The following PPP2R2B variants were observed in gnomAD, a reference collection of about 807,000 sequenced individuals.
PPP2R2B encodes protein phosphatase 2 regulatory subunit Bbeta, also known as serine/threonine-protein phosphatase 2A 55 kDa regulatory subunit B beta isoform.
A neutral mutation model predicts 46.0 loss-of-function variants in PPP2R2B; 5 were observed. The ratio of observed to expected loss-of-function variants is 0.11; its 90% confidence interval spans 0.06 to 0.23. PPP2R2B has a LOEUF of 0.23. PPP2R2B is among the 10% of genes least tolerant of loss of function. The pLI is 1.00. For synonymous variants in PPP2R2B, 215 were observed against 206.7 expected, an observed-to-expected ratio of 1.04 and a Z score of -0.34; for missense variants, 367 against 575.0, an observed-to-expected ratio of 0.64 and a Z score of 3.70.
At chr5:146,680,354 G>A (rs1244422470) in intron 5 of PPP2R2B, among the ~76,000 whole-genome samples, 1 of 149,368 alleles carries the variant, frequency 6.7e-6, no homozygotes, top group Non-Finnish European at 1.5e-5. Context: ...ATGAGATCAC[G>A]TGGACACAGG....
intron 5 of PPP2R2B, among the ~76,000 whole-genome samples, chr5:146,663,454 T>C (rs560388072): frequency 1.4e-5 from 2 of 145,460 alleles, no homozygotes; most frequent in East Asian, 2.0e-4. Flanking sequence ...TTTAATGAAA[T>C]CCATCCTATA....
intron 2 of PPP2R2B, among the ~76,000 whole-genome samples, chr5:146,834,669 T>A (rs558925152): frequency 6.6e-6 from 1 of 152,272 alleles, no homozygotes; most frequent in Non-Finnish European, 1.5e-5. Context: ...GTTCTGGGAG[T>A]ACACATGCAG....
At chr5:146,659,167 G>A (rs555001574) in intron 5 of PPP2R2B, among the ~76,000 whole-genome samples, 4 of 152,272 alleles carry the variant, frequency 2.6e-5, no homozygotes, top group Non-Finnish European at 5.9e-5. Flanking sequence ...GGGTATTGGT[G>A]AGTATCCAGT....
chr5:147,009,516 A>G (rs1754612607), intron 1 of PPP2R2B, among the ~76,000 whole-genome samples: 1 of 152,126 alleles, frequency 6.6e-6, no homozygotes, highest in African/African-American at 2.4e-5. Flanking sequence ...TACAGTTTTA[A>G]AAATAATAAG....
intron 5 of PPP2R2B, among the ~76,000 whole-genome samples, chr5:146,667,612 A>G (rs2151116524): frequency 6.6e-6 from 1 of 152,174 alleles, no homozygotes; most frequent in South Asian, 2.1e-4. Flanking sequence ...AGTACAGAAA[A>G]ATATTACAGA....
chr5:146,823,398 CA>C (rs1376222586), intron 2 of PPP2R2B, among the ~76,000 whole-genome samples: 1 of 151,910 alleles, frequency 6.6e-6, no homozygotes, highest in Non-Finnish European at 1.5e-5. Flanking sequence ...GGGGTTTCAC[CA>C]TGTTAGCCAG....
At position 146,924,483 on chromosome 5, in the gene PPP2R2B, C is replaced by G. The variant is rs548279947; in HGVS notation, c.79+131182G>C. Among the ~76,000 whole-genome samples, 4 of 152,102 alleles carry G rather than the reference C, an allele frequency of 2.6e-5. No individual in the cohort carries two copies. In the South Asian group the frequency reaches 8.3e-4, roughly 32 times the overall value. On this transcript the variant is annotated intron_variant, in intron 1 of 8. Transcript: ENST00000336640. ...TCCCAAGTACTGGAGATTTTAAGTA[C>G]AAGGATAAGAAAGGACAGGACAACA...
chr5:147,050,831 T>C (rs967757072), intron 1 of PPP2R2B, among the ~76,000 whole-genome samples: 4 of 151,512 alleles, frequency 2.6e-5, no homozygotes, highest in Admixed American at 2.6e-4. Flanking sequence ...TTTCCCTCTG[T>C]GTGTGTGTGT....
intron 5 of PPP2R2B, among the ~76,000 whole-genome samples, chr5:146,687,784 G>A (rs1028697812): frequency 8.5e-5 from 13 of 152,260 alleles, no homozygotes; most frequent in African/African-American, 3.1e-4. Context: ...GAAAAGCTGA[G>A]TCTCTCAGCG....
At position 147,027,295 on chromosome 5, in the gene PPP2R2B, T is replaced by C. The variant is rs756431495; in HGVS notation, c.79+28370A>G. On this transcript the variant is annotated intron_variant, in intron 1 of 8. Coordinates refer to the PPP2R2B transcript ENST00000336640. The stretch of plus-strand genomic sequence containing the variant: ...AATGTACTAAATACCACTGCATTGT[T>C]CATCTGAAAATGGTTAATTTTATGT... 0.011 allele frequency among the ~76,000 whole-genome samples: 1,688 copies of C among 152,252 alleles called. 87 individuals are homozygous for C. The East Asian group carries it at 0.17, about 16-fold the overall frequency.
At chr5:146,835,798 C>T (rs1759245638) in intron 2 of PPP2R2B, among the ~76,000 whole-genome samples, 1 of 152,066 alleles carries the variant, frequency 6.6e-6, no homozygotes, top group Non-Finnish European at 1.5e-5. Context: ...GGCAATGTTC[C>T]CTCCTCCTAA....
At chr5:146,659,613 C>T (rs1776558836) in intron 5 of PPP2R2B, among the ~76,000 whole-genome samples, 1 of 152,158 alleles carries the variant, frequency 6.6e-6, no homozygotes, top group African/African-American at 2.4e-5. Context: ...ATGATTTGTG[C>T]CAGGATTGTG....
At chr5:146,891,726 A>T (rs1163837024) in intron 1 of PPP2R2B, among the ~76,000 whole-genome samples, 1 of 152,228 alleles carries the variant, frequency 6.6e-6, no homozygotes, top group African/African-American at 2.4e-5. Flanking sequence ...TGAACTAACC[A>T]CAATGTAAAA....
intron 5 of PPP2R2B, among the ~76,000 whole-genome samples, chr5:146,682,601 C>T (rs1250668298): frequency 6.6e-6 from 1 of 152,086 alleles, no homozygotes; most frequent in African/African-American, 2.4e-5. Context: ...ACAGTAGTAC[C>T]CACTCCACAG....
At chr5:146,912,439 G>A (rs1040341651) in intron 1 of PPP2R2B, among the ~76,000 whole-genome samples, 1 of 151,848 alleles carries the variant, frequency 6.6e-6, no homozygotes, top group African/African-American at 2.4e-5. Flanking sequence ...ATAGAGGGGG[G>A]ATATTTAGGC....
At chr5:146,776,659 G>A (rs909641732) in intron 2 of PPP2R2B, among the ~76,000 whole-genome samples, 34 of 151,828 alleles carry the variant, frequency 2.2e-4, no homozygotes, top group African/African-American at 5.3e-4. Flanking sequence ...GGACTTCACC[G>A]AAATAAAAAT....
chr5:146,717,869 C>T (rs1221041826), intron 2 of PPP2R2B, among the ~76,000 whole-genome samples: 2 of 152,110 alleles, frequency 1.3e-5, no homozygotes, highest in African/African-American at 4.8e-5. Context: ...TTTCCTTAGC[C>T]AACATCTCTT....
At chr5:146,987,231 C>T (rs974376621) in intron 1 of PPP2R2B, among the ~76,000 whole-genome samples, 1 of 152,024 alleles carries the variant, frequency 6.6e-6, no homozygotes, top group African/African-American at 2.4e-5. Context: ...TACTACCAGA[C>T]CTGACTTATA....
intron 7 of PPP2R2B, among the ~76,000 whole-genome samples, chr5:146,632,068 C>G (rs559244952): frequency 5.4e-5 from 7 of 130,762 alleles, no homozygotes; most frequent in South Asian, 6.3e-4. Context: ...TGTGCCCCCC[C>G]CCCCGCCCAT....
Sources: allele counts gnomAD v4.1 joint callset (sites outside exome capture counted in the v4.1 genomes callset), GRCh38; gene constraint gnomAD v4.1.1; transcripts MANE v1.5; gene names NCBI Gene and HGNC (gene_info 2026-07-23, HGNC 2026-07-21).